KCNQ5: variants seen among roughly 807,000 people sequenced by gnomAD.
The protein encoded by KCNQ5 is potassium voltage-gated channel subfamily Q member 5.
KCNQ5 carries 30 observed loss-of-function variants against 98.2 expected under a neutral mutation model. The ratio of observed to expected loss-of-function variants is 0.31; its 90% CI spans 0.23 to 0.41. KCNQ5 has a LOEUF of 0.41. Ranked by LOEUF, KCNQ5 falls within the 10% of genes least tolerant of loss-of-function variation. The pLI is 1.00. For synonymous variants in KCNQ5, 458 were observed against 449.4 expected (o/e 1.02, Z -0.24); for missense variants, 835 against 1,182.5 (o/e 0.71, Z 4.31).
At position 72,633,208 on chromosome 6, in the gene KCNQ5, TG is replaced by T. The variant is rs1390070860; in HGVS notation, c.398+10626del. On this transcript the variant is annotated intron_variant, in intron 1 of 13. Transcript: ENST00000370398. ...GATGATGAGCATTTTTTCATATGCT[TG>T]GGGGCCACTCGTATGTCTTCTTTTG... Among the ~76,000 whole-genome samples, 59 of 152,308 alleles carry T rather than the reference TG, an allele frequency of 3.9e-4. 1 individual carries two copies. The highest frequency in any genetic ancestry group is 1.3e-3 in the African/African-American group (56 of 41,570).
intron 1 of KCNQ5, among the ~76,000 whole-genome samples, chr6:72,629,305 TA>T (rs1278811874): frequency 6.6e-6 from 1 of 152,326 alleles, no homozygotes; most frequent in East Asian, 1.9e-4. Context: ...TGCATTCCTT[TA>T]AAAAATCACT....
intron 3 of KCNQ5, among the ~76,000 whole-genome samples, chr6:73,056,140 G>GT (rs1489384866): frequency 6.6e-6 from 1 of 152,178 alleles, no homozygotes; most frequent in African/African-American, 2.4e-5. Context: ...CAAGTGCTTT[G>GT]TTTACTAAGG....
At chr6:72,964,738 G>T (rs185159239) in intron 1 of KCNQ5, among the ~76,000 whole-genome samples, 1 of 152,160 alleles carries the variant, frequency 6.6e-6, no homozygotes, top group Non-Finnish European at 1.5e-5. Flanking sequence ...CACTAAAAAT[G>T]TATTTATGAG....
intron 1 of KCNQ5, among the ~76,000 whole-genome samples, chr6:72,658,384 G>T (rs934738940): frequency 2.7e-5 from 4 of 147,016 alleles, no homozygotes; most frequent in African/African-American, 1.0e-4. Context: ...AGATTCAAGC[G>T]ATTCTCTTGC....
chr6:72,996,993 T>C (rs1271037557), intron 1 of KCNQ5, among the ~76,000 whole-genome samples: 1 of 152,074 alleles, frequency 6.6e-6, no homozygotes, highest in Non-Finnish European at 1.5e-5. Flanking sequence ...GTGGTCCAGA[T>C]CCTGACCAAG....
intron 1 of KCNQ5, among the ~76,000 whole-genome samples, chr6:72,969,243 T>C (rs1767759546): frequency 6.6e-6 from 1 of 152,230 alleles, no homozygotes; most frequent in South Asian, 2.1e-4. Flanking sequence ...AATATTATTG[T>C]CAGCTTTCCT....
intron 10 of KCNQ5, among the ~76,000 whole-genome samples, chr6:73,146,626 C>CAAAAAAAAAACAAAAAA: frequency 3.5e-5 from 1 of 28,468 alleles, no homozygotes; most frequent in African/African-American, 9.4e-5. Context: ...GTCCCTGTCT[C>CAAAAAAAAAACAAAAAA]AAAAAAAAAA....
intron 1 of KCNQ5, among the ~76,000 whole-genome samples, chr6:72,674,604 T>C (rs942139556): frequency 2.6e-5 from 4 of 152,058 alleles, no homozygotes; most frequent in African/African-American, 9.7e-5. Context: ...ACCCCGTCTC[T>C]ACTAAAAATA....
At chr6:72,852,739 A>G in intron 1 of KCNQ5, among the ~76,000 whole-genome samples, 1 of 147,724 alleles carries the variant, frequency 6.8e-6, no homozygotes, top group East Asian at 2.0e-4. Flanking sequence ...ATAATTTTTT[A>G]GGAATTTTAT....
chr6:72,984,685 G>A (rs540557730), intron 1 of KCNQ5, among the ~76,000 whole-genome samples: 204 of 152,200 alleles, frequency 1.3e-3, no homozygotes, highest in African/African-American at 4.6e-3. Flanking sequence ...GCAATACCCC[G>A]CCCTGCTTCA....
At chr6:72,798,177 T>C (rs555770933) in intron 1 of KCNQ5, among the ~76,000 whole-genome samples, 2 of 152,344 alleles carry the variant, frequency 1.3e-5, no homozygotes, top group East Asian at 3.8e-4. Flanking sequence ...TTCATATTAG[T>C]AACATGTGCT....
chr6:72,857,133 A>T (rs1386796876), intron 1 of KCNQ5, among the ~76,000 whole-genome samples: 1 of 152,248 alleles, frequency 6.6e-6, no homozygotes, highest in Non-Finnish European at 1.5e-5. Flanking sequence ...TGCCTTTCCC[A>T]ACAGAAAGAT....
At chr6:73,022,652 A>G (rs1358237918) in intron 2 of KCNQ5, among the ~76,000 whole-genome samples, 1 of 152,132 alleles carries the variant, frequency 6.6e-6, no homozygotes, top group Admixed American at 6.5e-5. Context: ...AGTGCCCACT[A>G]GTTCTAAGTT....
At chr6:73,041,038 GT>G (rs1472191401) in intron 2 of KCNQ5, among the ~76,000 whole-genome samples, 1 of 152,008 alleles carries the variant, frequency 6.6e-6, no homozygotes, top group Non-Finnish European at 1.5e-5. Flanking sequence ...ATCAACCCTC[GT>G]TTTAAAACAA....
At chr6:73,179,020 A>G (rs1467729647) in intron 11 of KCNQ5, among the ~76,000 whole-genome samples, 1 of 152,174 alleles carries the variant, frequency 6.6e-6, no homozygotes, top group Non-Finnish European at 1.5e-5. Context: ...TCTGTGATCA[A>G]AAGGCTCTGG....
chr6:72,938,375 A>G (rs1397952938), intron 1 of KCNQ5, among the ~76,000 whole-genome samples: 1 of 152,002 alleles, frequency 6.6e-6, no homozygotes, highest in Non-Finnish European at 1.5e-5. Context: ...ATAAAATTGT[A>G]CGTTTATTTA....
rs1242696822 is a variant in KCNQ5 at position 73,108,119 on chromosome 6, C to A, written c.1029+2752C>A. On this transcript the variant is annotated intron_variant, in intron 6 of 13. Coordinates refer to ENST00000370398, the MANE Select transcript of KCNQ5 (RefSeq NM_019842.4). ...AAGAAAAGAGCCTTTCTCCATCTTA[C>A]CCTCAAAGCAGAAGGGCCATCCTGC... Among the ~76,000 whole-genome samples, 20 of 152,172 alleles carry A rather than the reference C, an allele frequency of 1.3e-4. 1 individual carries two copies. The highest frequency in any genetic ancestry group is 1.3e-3 in the Admixed American group (20 of 15,284).
chr6:72,746,809 C>T (rs1771429475), intron 1 of KCNQ5, among the ~76,000 whole-genome samples: 2 of 152,140 alleles, frequency 1.3e-5, no homozygotes, highest in African/African-American at 4.8e-5. Context: ...ACATTAACAA[C>T]ATCCTTTTAT....
At chr6:73,121,406 T>C (rs1044618204) in intron 8 of KCNQ5, among the ~76,000 whole-genome samples, 1 of 150,282 alleles carries the variant, frequency 6.7e-6, no homozygotes, top group Middle Eastern at 3.5e-3. Context: ...TCACAGAAAA[T>C]GTTAAATCAT....
Sources: gnomAD v4.1 joint callset for allele counts (sites outside exome capture counted in the v4.1 genomes callset) on GRCh38, gnomAD v4.1.1 for gene constraint, MANE v1.5 for transcripts, NCBI Gene and HGNC (gene_info 2026-07-23, HGNC 2026-07-21) for gene names.